The following ACER2 variants were observed in gnomAD, a reference collection of about 807,000 sequenced individuals.
ACER2 encodes alkaline ceramidase 2.
Under a neutral mutation model 34.7 loss-of-function variants are expected in ACER2, and 26 were observed. The observed-to-expected ratio is 0.75, with a 90% CI of 0.55 to 1.04. ACER2 has a LOEUF of 1.04. Among genes scored for constraint, ACER2 ranks in the 50% least tolerant of loss-of-function variants. The probability of loss-of-function intolerance (pLI) is 0.00; values close to 1 mark genes in which losing one functional copy is unlikely to be tolerated. For synonymous variants in ACER2, 138 were observed against 132.1 expected (o/e 1.04, Z -0.31); for missense variants, 352 against 340.8 (o/e 1.03, Z -0.26).
At chr9:19,437,067 T>G (rs1831000042) in intron 4 of ACER2, among the ~76,000 whole-genome samples, 1 of 152,252 alleles carries the variant, frequency 6.6e-6, no homozygotes, top group South Asian at 2.1e-4. Context: ...GTATTCAACC[T>G]TTTCTGTTCT....
intron 1 of ACER2, among the ~76,000 whole-genome samples, chr9:19,418,610 C>T (rs1157479083): frequency 6.6e-6 from 1 of 152,130 alleles, no homozygotes; most frequent in African/African-American, 2.4e-5. Flanking sequence ...GAAAACCAAA[C>T]ACTGTATGTT....
chr9:19,441,135 C>T (rs1027238749), intron 4 of ACER2, among the ~76,000 whole-genome samples: 6 of 151,492 alleles, frequency 4.0e-5, no homozygotes, highest in African/African-American at 7.3e-5. Context: ...CTGCAACCTC[C>T]GCCTCCCGGG....
At chr9:19,424,638 A>G in intron 2 of ACER2, 62 bp from the exon 3 acceptor site, 1 of 1,604,684 alleles carries the variant, frequency 6.2e-7, no homozygotes, top group Non-Finnish European at 8.5e-7. Context: ...ATCCTTAAGC[A>G]GTGTATTGAA....
intron 3 of ACER2, among the ~76,000 whole-genome samples, chr9:19,431,655 C>T (rs1830758136): frequency 6.6e-6 from 1 of 152,110 alleles, no homozygotes; most frequent in African/African-American, 2.4e-5. Context: ...GCAGCCGAGG[C>T]CAGGAGAAAA....
Position 19,409,010 on chromosome 9 carries a change from C to T in ACER2, c.-75C>T, listed in dbSNP as rs1285498065. 1.5e-6 allele frequency: 2 copies of T among 1,326,368 alleles called. No individual in the cohort carries two copies. Among genetic ancestry groups the T allele is most frequent in the Non-Finnish European group, 2.0e-6 (2 of 999,002 alleles). The allele number at this position is 1,326,368 out of a possible 1,614,324, so 82.2% of individuals were successfully genotyped here. A position where few individuals can be genotyped will look rare whatever the true frequency, so the allele number is the denominator to read the frequency against. ...AAGCCGCTTTCGCCGCTGGCTGTCG[C>T]CGCGTTTTGCCTCCGCAGCAGCTCT... is the stretch of plus-strand genomic sequence containing the variant. On this transcript the variant is annotated 5_prime_UTR_variant, in exon 1 of 6. Transcript: ENST00000340967.
chr9:19,429,747 C>T (rs573840958), intron 3 of ACER2, among the ~76,000 whole-genome samples: 3 of 152,228 alleles, frequency 2.0e-5, no homozygotes, highest in Non-Finnish European at 4.4e-5. Context: ...GGGATCTGCC[C>T]GCCCTGCTAG....
At chr9:19,426,358 TTCTCTCTC>T (rs59963606) in intron 3 of ACER2, among the ~76,000 whole-genome samples, 1,243 of 118,292 alleles carry the variant, frequency 0.011, 25 homozygotes, top group African/African-American at 0.035. Flanking sequence ...CTCCCTCTCT[TTCTCTCTC>T]TCTCTCTCTC....
At chr9:19,435,337 C>T (rs967147949) in intron 4 of ACER2, among the ~76,000 whole-genome samples, 1 of 152,156 alleles carries the variant, frequency 6.6e-6, no homozygotes, top group Non-Finnish European at 1.5e-5. Context: ...AGGACCATCT[C>T]AGTACCTAGA....
chr9:19,440,651 T>C (rs951736637), intron 4 of ACER2, among the ~76,000 whole-genome samples: 7 of 152,228 alleles, frequency 4.6e-5, no homozygotes, highest in Non-Finnish European at 8.8e-5. Context: ...CCACCCAGTA[T>C]ACAATGTTTT....
intron 3 of ACER2, among the ~76,000 whole-genome samples, chr9:19,433,576 C>G (rs570533595): frequency 1.2e-4 from 19 of 152,366 alleles, no homozygotes; most frequent in Admixed American, 1.2e-3. Context: ...ACACGGCAAC[C>G]ATCCGATTTC....
intron 1 of ACER2, among the ~76,000 whole-genome samples, chr9:19,416,118 T>G (rs1382452073): frequency 6.6e-6 from 1 of 152,112 alleles, no homozygotes; most frequent in Admixed American, 6.6e-5. Flanking sequence ...GATCAGGTTT[T>G]AAGTTACCTA....
chr9:19,413,170 C>G (rs1246394812), intron 1 of ACER2, among the ~76,000 whole-genome samples: 1 of 152,232 alleles, frequency 6.6e-6, no homozygotes, highest in Non-Finnish European at 1.5e-5. Flanking sequence ...TTGTATCATC[C>G]TTTGCTTCAG....
intron 4 of ACER2, 43 bp from the exon 5 acceptor site, chr9:19,446,238 A>T: frequency 6.2e-7 from 1 of 1,614,046 alleles, no homozygotes; most frequent in Non-Finnish European, 8.5e-7. Context: ...AAGGAGGTGG[A>T]GACAAGGTCT....
chr9:19,445,082 G>T (rs1831309048), intron 4 of ACER2, among the ~76,000 whole-genome samples: 1 of 152,142 alleles, frequency 6.6e-6, no homozygotes, highest in African/African-American at 2.4e-5. Context: ...TTGTATTCTG[G>T]GTCCCATAGG....
Position 19,446,307 on chromosome 9 carries a change from T to C in ACER2, c.530T>C (p.Leu177Pro), listed in dbSNP as rs761867359. The change falls in exon 5 of 6, where the codon CTG (leucine) becomes CCG (proline). Residue 177 changes from leucine to proline, a missense_variant. By Grantham distance (98) the Leu-to-Pro change is moderately conservative. Coordinates refer to ENST00000340967, the MANE Select transcript of ACER2 (RefSeq NM_001010887.3). The stretch of plus-strand genomic sequence containing the variant: ...TGTGACAACATGCGTGTGTTTAAGC[T>C]GGGCCTCTTCTCGGGCCTCTGGTGG... Reference protein sequence around the residue: ...KRCDNMRVFKLGLFSGLWWTL... With the variant: ...KRCDNMRVFKPGLFSGLWWTL... The C allele has an allele frequency of 4.4e-5, 71 of 1,614,072 alleles. No individual in the cohort carries two copies. Among genetic ancestry groups the C allele is most frequent in the Non-Finnish European group, 5.8e-5 (69 of 1,180,044 alleles).
chr9:19,424,414 A>G, intron 2 of ACER2: 3 of 985,444 alleles, frequency 3.0e-6, no homozygotes, highest in Non-Finnish European at 2.4e-6. Flanking sequence ...ACTTTTATTT[A>G]CTGCCTCTTC....
intron 3 of ACER2, among the ~76,000 whole-genome samples, chr9:19,431,394 C>A (rs1449494260): frequency 1.3e-5 from 2 of 152,150 alleles, no homozygotes; most frequent in African/African-American, 2.4e-5. Flanking sequence ...ACTCTGTTAC[C>A]CTCTCTGACC....
intron 3 of ACER2, among the ~76,000 whole-genome samples, chr9:19,430,682 G>T (rs1373151719): frequency 1.3e-5 from 2 of 152,204 alleles, no homozygotes; most frequent in Non-Finnish European, 2.9e-5. Flanking sequence ...TTGCAGCTGG[G>T]TGCAGTAGCT....
chr9:19,409,314 TGA>T (rs1830012542), intron 1 of ACER2, 122 bp downstream of exon 1: 2 of 928,408 alleles, frequency 2.2e-6, no homozygotes, highest in Middle Eastern at 2.8e-4. Context: ...CTCCAGGGGC[TGA>T]GTCAGTCCAC....
Sources: gnomAD v4.1 joint callset for allele counts (sites outside exome capture counted in the v4.1 genomes callset) on GRCh38, gnomAD v4.1.1 for gene constraint, MANE v1.5 for transcripts, NCBI Gene and HGNC (gene_info 2026-07-23, HGNC 2026-07-21) for gene names.